Variants in STAG3 observed in about 807,000 individuals in gnomAD.
The protein encoded by STAG3 is STAG3 cohesin complex component.
Under a neutral mutation model 160.7 loss-of-function variants are expected in STAG3, and 101 were observed. The observed-to-expected ratio is 0.63, with a 90% confidence interval of 0.54 to 0.74. The LOEUF (loss-of-function observed/expected upper bound fraction) is 0.74, where lower values mean the gene tolerates loss of function less well. STAG3 is among the 30% of genes least tolerant of loss of function. The pLI is 0.00. For synonymous variants in STAG3, 519 were observed against 585.0 expected (o/e 0.89, Z 1.63); for missense variants, 1,188 against 1,517.4 (o/e 0.78, Z 3.61).
At chr7:100,211,718 C>G in intron 31 of STAG3, 77 bp from the exon 32 acceptor site, 5 of 1,519,118 alleles carry the variant, frequency 3.3e-6, no homozygotes, top group Non-Finnish European at 4.5e-6. Flanking sequence ...CCACTTCCCC[C>G]ACCCCGGGTG....
chr7:100,204,130 C>T lies in STAG3; in HGVS notation c.2802+8C>T, dbSNP rs1801409975. On this transcript the variant is annotated splice_region_variant and intron_variant, in intron 26 of 33. Transcript: ENST00000615138. ...CTGCTGAGCCTCAAGCAGGTGCGCCCTTCTGCCTTGAGGACATGCCAGCCC... is the reference window on the plus strand; with the variant it reads ...CTGCTGAGCCTCAAGCAGGTGCGCCTTTCTGCCTTGAGGACATGCCAGCCC... 7 of 1,612,614 alleles carry T rather than the reference C, an allele frequency of 4.3e-6. No individual in the cohort carries two copies. Among genetic ancestry groups the T allele is most frequent in the Non-Finnish European group, 5.1e-6 (6 of 1,178,942 alleles).
intron 5 of STAG3, among the ~76,000 whole-genome samples, 195 bp downstream of exon 5, chr7:100,186,491 G>C (rs1321860775): frequency 6.6e-6 from 1 of 152,172 alleles, no homozygotes; most frequent in African/African-American, 2.4e-5. Flanking sequence ...AGCTGAGGCA[G>C]GTGGATCACT....
At chr7:100,191,691 G>A (rs1800353713) in intron 8 of STAG3, among the ~76,000 whole-genome samples, 1 of 152,212 alleles carries the variant, frequency 6.6e-6, no homozygotes, top group Admixed American at 6.5e-5. Context: ...ACTGATCAGG[G>A]TAGTGGTTGC....
Position 100,202,275 on chromosome 7 carries a change from T to C in STAG3, c.2498T>C (p.Leu833Pro), listed in dbSNP as rs1374808474. The change falls in exon 24 of 34, where the codon CTC (leucine) becomes CCC (proline). Residue 833 changes from leucine (L) to proline (P), a missense_variant. Physicochemically the swap from Leu to Pro is moderately conservative, Grantham distance 98. Around this residue, in one of 4 missense-constraint regions of STAG3, gnomAD observed 647 missense variants for 717.2 expected, o/e 0.90. Coordinates refer to ENST00000615138, the MANE Select transcript of STAG3 (RefSeq NM_001282717.2). ...CTTGTCTTTTTTCCTGAAGCTACTCTCCAGTCTGAGCTAGCCAGCTTCCTC... is the reference window on the plus strand; with the variant it reads ...CTTGTCTTTTTTCCTGAAGCTACTCCCCAGTCTGAGCTAGCCAGCTTCCTC... ...RPLVFFPEAT[L>P]QSELASFLMD... is the part of the protein sequence containing the mutation. 6.2e-7 allele frequency: 1 copy of C among 1,614,168 alleles called. No homozygotes were observed. Among genetic ancestry groups the C allele is most frequent in the Admixed American group, 1.7e-5 (1 of 60,004 alleles).
intron 1 of STAG3, 110 bp downstream of exon 1, chr7:100,178,115 C>T (rs1203382818): frequency 2.1e-5 from 2 of 93,118 alleles, no homozygotes; most frequent in African/African-American, 4.5e-5. Context: ...GGCCCTGACA[C>T]TAGGAGCCTT....
In STAG3 at chr7:100,182,259, T is replaced by G. The variant is rs1799692790; in HGVS notation, c.219+67T>G. 4.0e-6 allele frequency: 5 copies of G among 1,237,098 alleles called. No homozygotes were observed. In the Admixed American group the frequency reaches 5.8e-5, roughly 14 times the overall value. The allele number at this position is 1,237,098 out of a possible 1,614,324, so 76.6% of individuals were successfully genotyped here. ...GAAGCAGCCCAGCTACTTGGGAGGCTGAGGCAGGAGAATGGCGTGAACCCA... is the reference window on the plus strand; with the variant it reads ...GAAGCAGCCCAGCTACTTGGGAGGCGGAGGCAGGAGAATGGCGTGAACCCA... On this transcript the variant is annotated intron_variant, in intron 3 of 33. Transcript: ENST00000615138.
At position 100,202,228 on chromosome 7, in the gene STAG3, G is replaced by T; in HGVS notation, c.2451G>T (p.Gly817=). Residue 817 remains glycine (G), a synonymous_variant, in exon 24 of 34, where the codon GGG becomes GGT. Coordinates refer to ENST00000615138, the MANE Select transcript of STAG3 (RefSeq NM_001282717.2). ...LLIFSPQMIV[G]GRDFLRPLVF... ...TCTTTAGCCCTCAGATGATTGTTGG[G>T]GGCCGTGATTTCCTTAGGCCACTTG... The T allele has an allele frequency of 6.2e-7, 1 of 1,614,048 alleles. No homozygotes were observed. The highest frequency in any genetic ancestry group is 8.5e-7 in the Non-Finnish European group (1 of 1,180,020).
intron 5 of STAG3, among the ~76,000 whole-genome samples, chr7:100,186,857 C>G (rs186701942): frequency 6.6e-6 from 1 of 151,538 alleles, no homozygotes; most frequent in Non-Finnish European, 1.5e-5. Flanking sequence ...TTTCTGGATG[C>G]AATAATGTTA....
chr7:100,188,711 A>C, intron 6 of STAG3, 101 bp from the exon 7 acceptor site: 1 of 1,270,012 alleles, frequency 7.9e-7, no homozygotes, highest in Non-Finnish European at 1.1e-6. Flanking sequence ...ATGAGGTATA[A>C]CAGATATTTT....
downstream of STAG3, among the ~76,000 whole-genome samples, chr7:100,216,299 T>C (rs1802744861): frequency 6.6e-6 from 1 of 151,606 alleles, no homozygotes; most frequent in Admixed American, 6.6e-5. Flanking sequence ...GTATCAGTTT[T>C]TTAAAAAATT....
chr7:100,180,850 G>T, intron 2 of STAG3, 178 bp downstream of exon 2: 2 of 480,550 alleles, frequency 4.2e-6, no homozygotes, highest in Non-Finnish European at 7.6e-6. Context: ...GGTCCTAGAT[G>T]TTGTAGACAT....
At chr7:100,184,513 G>C (rs1799867265) in intron 4 of STAG3, among the ~76,000 whole-genome samples, 1 of 132,816 alleles carries the variant, frequency 7.5e-6, no homozygotes, top group South Asian at 2.4e-4. Context: ...CTGTCGCCAG[G>C]CTGGAGTGCA....
At position 100,198,075 on chromosome 7, in the gene STAG3, T is replaced by A; in HGVS notation, c.1165-12T>A. On this transcript the variant is annotated splice_polypyrimidine_tract_variant and intron_variant, in intron 11 of 33. Transcript: ENST00000615138. ...TGTAATGAGATATTGAGTGACTTTC[T>A]CCTTTCTGCAGGACCGGATGGTTTC... 6.2e-7 allele frequency: 1 copy of A among 1,613,856 alleles called. No homozygotes were observed. The highest frequency in any genetic ancestry group is 8.5e-7 in the Non-Finnish European group (1 of 1,179,742).
intron 26 of STAG3, 70 bp downstream of exon 26, chr7:100,204,192 A>G: frequency 8.4e-7 from 1 of 1,195,228 alleles, no homozygotes; most frequent in Admixed American, 1.7e-5. Flanking sequence ...TCAGCCACTC[A>G]GAATGTAAGA....
At chr7:100,178,608 T>A (rs1799429344) in intron 1 of STAG3, among the ~76,000 whole-genome samples, 1 of 151,286 alleles carries the variant, frequency 6.6e-6, no homozygotes, top group South Asian at 2.1e-4. Flanking sequence ...TTTTTTTTTT[T>A]AGAGACAGGG....
chr7:100,199,057 A>T (rs1324307083), intron 14 of STAG3, 100 bp downstream of exon 14: 2 of 1,118,420 alleles, frequency 1.8e-6, no homozygotes, highest in African/African-American at 3.1e-5. Context: ...TGGGAGGCTG[A>T]GGTGGGAGGA....
chr7:100,214,055 A>G lies in STAG3; in HGVS notation c.*40A>G. The G allele has an allele frequency of 6.2e-7, 1 of 1,610,584 alleles. No homozygotes were observed. Among genetic ancestry groups the G allele is most frequent in the Non-Finnish European group, 8.5e-7 (1 of 1,177,454 alleles). ...CCTCCCCAGCTCCACTCCCTACCTC[A>G]AGAATGTGACCATTTGGAAAAGGCA... On this transcript the variant is annotated 3_prime_UTR_variant, in exon 34 of 34. Coordinates refer to ENST00000615138, the MANE Select transcript of STAG3 (RefSeq NM_001282717.2).
At chr7:100,213,896 G>A in intron 33 of STAG3, 90 bp downstream of exon 33, 4 of 1,612,738 alleles carry the variant, frequency 2.5e-6, no homozygotes, top group Non-Finnish European at 3.4e-6. Flanking sequence ...CATAGCCTGG[G>A]GGTGGCCCTC....
chr7:100,203,415 T>C (rs958505265), intron 25 of STAG3, among the ~76,000 whole-genome samples: 3 of 152,098 alleles, frequency 2.0e-5, no homozygotes, highest in African/African-American at 7.2e-5. Context: ...TCTCCTGACC[T>C]TGTGATCCGC....
Sources: gnomAD v4.1 joint callset for allele counts (sites outside exome capture counted in the v4.1 genomes callset) on GRCh38, gnomAD v4.1.1 for gene constraint, gnomAD v4.1.1 regional missense constraint, MANE v1.5 for transcripts, NCBI Gene and HGNC (gene_info 2026-07-23, HGNC 2026-07-21) for gene names.